The following MGMT variants were observed in gnomAD, a reference collection of about 807,000 sequenced individuals.
MGMT encodes methylated-DNA--protein-cysteine methyltransferase.
A neutral mutation model predicts 15.9 loss-of-function variants in MGMT; 14 were observed. The ratio of observed to expected loss-of-function variants is 0.88; its 90% CI spans 0.58 to 1.37. The LOEUF (loss-of-function observed/expected upper bound fraction) is 1.37, where lower values mean the gene tolerates loss of function less well. Among genes scored for constraint, MGMT ranks in the 40% most tolerant of loss-of-function variants. The pLI is 0.00. For synonymous variants in MGMT, 130 were observed against 118.2 expected (o/e 1.10, Z -0.65); for missense variants, 282 against 268.1 (o/e 1.05, Z -0.36).
At chr10:129,627,718 G>A (rs1268740361) in intron 2 of MGMT, among the ~76,000 whole-genome samples, 1 of 152,136 alleles carries the variant, frequency 6.6e-6, no homozygotes, top group African/African-American at 2.4e-5. Flanking sequence ...ATAAATATCT[G>A]CCACGTTTCC....
chr10:129,669,626 C>T (rs1847699352), intron 2 of MGMT, among the ~76,000 whole-genome samples: 1 of 152,148 alleles, frequency 6.6e-6, no homozygotes, highest in African/African-American at 2.4e-5. Flanking sequence ...TCTTCAATTG[C>T]ACAGTTAAAA....
At chr10:129,763,111 G>A (rs558253900) in intron 4 of MGMT, among the ~76,000 whole-genome samples, 13 of 152,230 alleles carry the variant, frequency 8.5e-5, no homozygotes, top group African/African-American at 2.9e-4. Context: ...GTTTTATAGC[G>A]TTTGAGAAAG....
intron 1 of MGMT, among the ~76,000 whole-genome samples, chr10:129,500,790 A>G (rs180851464): frequency 3.9e-5 from 6 of 152,272 alleles, no homozygotes; most frequent in South Asian, 2.1e-4. Context: ...AGCTCAAACT[A>G]TCCGCCCGCC....
chr10:129,598,339 C>T (rs577049434), intron 2 of MGMT, among the ~76,000 whole-genome samples: 2 of 152,260 alleles, frequency 1.3e-5, no homozygotes, highest in South Asian at 2.1e-4. Context: ...TTCTTTCTGG[C>T]GGCTTCCATC....
At chr10:129,577,761 A>G (rs1310911477) in intron 2 of MGMT, among the ~76,000 whole-genome samples, 6 of 152,170 alleles carry the variant, frequency 3.9e-5, no homozygotes, top group South Asian at 2.1e-4. Flanking sequence ...CCTACAGAAT[A>G]GGAGAAAATT....
At chr10:129,527,609 G>A (rs1033391372) in intron 1 of MGMT, among the ~76,000 whole-genome samples, 7 of 152,034 alleles carry the variant, frequency 4.6e-5, no homozygotes, top group African/African-American at 1.4e-4. Flanking sequence ...TTCACAGCAC[G>A]CTTATAGCCA....
intron 3 of MGMT, among the ~76,000 whole-genome samples, chr10:129,758,430 TC>T (rs1435189479): frequency 6.6e-6 from 1 of 152,134 alleles, no homozygotes; most frequent in African/African-American, 2.4e-5. Flanking sequence ...AGGTACTGAT[TC>T]AGACAGGCCT....
At chr10:129,486,507 A>G (rs1750184828) in intron 1 of MGMT, among the ~76,000 whole-genome samples, 1 of 151,982 alleles carries the variant, frequency 6.6e-6, no homozygotes. Flanking sequence ...TATTTTCTGT[A>G]TGCTTTTTGG....
chr10:129,567,608 G>C (rs983358967), intron 2 of MGMT, among the ~76,000 whole-genome samples: 6 of 152,130 alleles, frequency 3.9e-5, no homozygotes, highest in Non-Finnish European at 5.9e-5. Context: ...AAAACCTCCT[G>C]GAGTCTAGAT....
chr10:129,670,021 G>T (rs999049446), intron 2 of MGMT, among the ~76,000 whole-genome samples: 8 of 152,088 alleles, frequency 5.3e-5, no homozygotes, highest in African/African-American at 1.4e-4. Context: ...TACTACCTCT[G>T]CTAAGTCATT....
intron 1 of MGMT, among the ~76,000 whole-genome samples, chr10:129,526,184 T>A (rs1036887939): frequency 6.6e-6 from 1 of 152,292 alleles, no homozygotes; most frequent in Middle Eastern, 3.4e-3. Context: ...AGGTTTATGA[T>A]CAGGTGATAG....
chr10:129,667,577 C>G (rs1470943263), intron 2 of MGMT, among the ~76,000 whole-genome samples: 3 of 152,154 alleles, frequency 2.0e-5, no homozygotes, highest in Admixed American at 6.5e-5. Context: ...ATGCCCCTGC[C>G]TGTGGTCATT....
intron 2 of MGMT, among the ~76,000 whole-genome samples, chr10:129,561,160 T>C (rs1421508085): frequency 6.6e-6 from 1 of 152,194 alleles, no homozygotes; most frequent in Admixed American, 6.5e-5. Flanking sequence ...TTCACCGTGA[T>C]TCTCACTATT....
In MGMT at chr10:129,763,911, C is replaced by T. The variant is rs138523336; in HGVS notation, c.415-2877C>T. On this transcript the variant is annotated intron_variant, in intron 4 of 4. Transcript: ENST00000651593. ...TCAATGTTAAAAACAGTCAGCCCTC[C>T]GCCACCTGCATGTTCCCATGTCATA... is the stretch of plus-strand genomic sequence containing the variant. Among the ~76,000 whole-genome samples, 140 of 152,288 alleles carry T rather than the reference C, an allele frequency of 9.2e-4. 2 individuals carry two copies. Among genetic ancestry groups the T allele is most frequent in the African/African-American group, 3.3e-3 (139 of 41,544 alleles).
chr10:129,621,678 G>T (rs1317767559), intron 2 of MGMT, among the ~76,000 whole-genome samples: 1 of 152,238 alleles, frequency 6.6e-6, no homozygotes, highest in African/African-American at 2.4e-5. Context: ...CTCTTTGGAA[G>T]TATGATGCTC....
At chr10:129,725,062 G>C (rs1848416425) in intron 3 of MGMT, among the ~76,000 whole-genome samples, 1 of 152,220 alleles carries the variant, frequency 6.6e-6, no homozygotes, top group Non-Finnish European at 1.5e-5. Context: ...TGACCTGATG[G>C]ACAGGAAGAG....
intron 2 of MGMT, among the ~76,000 whole-genome samples, chr10:129,600,664 C>T (rs905549931): frequency 4.6e-5 from 7 of 152,262 alleles, no homozygotes; most frequent in South Asian, 4.1e-4. Flanking sequence ...GGTAAACATC[C>T]GTATTGCCTC....
At chr10:129,763,092 G>T (rs886582689) in intron 4 of MGMT, among the ~76,000 whole-genome samples, 16 of 152,092 alleles carry the variant, frequency 1.1e-4, no homozygotes, top group African/African-American at 3.9e-4. Context: ...CAAATCTATG[G>T]GTTTGGAAGT....
At chr10:129,474,432 A>T (rs1277534453) in intron 1 of MGMT, among the ~76,000 whole-genome samples, 1 of 152,116 alleles carries the variant, frequency 6.6e-6, no homozygotes, top group Non-Finnish European at 1.5e-5. Context: ...TGAGGGACTA[A>T]GTTTAGAATC....
Sources: gnomAD v4.1 joint callset for allele counts (sites outside exome capture counted in the v4.1 genomes callset) on GRCh38, gnomAD v4.1.1 for gene constraint, MANE v1.5 for transcripts, NCBI Gene and HGNC (gene_info 2026-07-23, HGNC 2026-07-21) for gene names.